The following ARID3B variants were observed in gnomAD, a reference collection of about 807,000 sequenced individuals.
The protein encoded by ARID3B is AT-rich interactive domain-containing protein 3B.
A neutral mutation model predicts 51.9 loss-of-function variants in ARID3B; 10 were observed. The ratio of observed to expected loss-of-function variants is 0.19; its 90% CI spans 0.12 to 0.33. The LOEUF is 0.33. Among genes scored for constraint, ARID3B ranks in the 10% least tolerant of loss-of-function variants. The pLI is 1.00. For synonymous variants in ARID3B, 205 were observed against 279.5 expected (o/e 0.73, Z 2.66); for missense variants, 483 against 716.3 (o/e 0.67, Z 3.72).
chr15:74,556,883 T>C (rs975688819), intron 2 of ARID3B, among the ~76,000 whole-genome samples: 1 of 151,246 alleles, frequency 6.6e-6, no homozygotes, highest in Non-Finnish European at 1.5e-5. Flanking sequence ...CAAGCGATTC[T>C]TCTGCCTCAG....
chr15:74,550,821 G>A (rs1242045731), intron 2 of ARID3B, among the ~76,000 whole-genome samples: 1 of 152,142 alleles, frequency 6.6e-6, no homozygotes, highest in Non-Finnish European at 1.5e-5. Flanking sequence ...TATTCCAGAG[G>A]ATGATAATCC....
At chr15:74,572,981 G>C in intron 3 of ARID3B, 48 bp downstream of exon 3, 1 of 1,603,684 alleles carries the variant, frequency 6.2e-7, no homozygotes, top group Non-Finnish European at 8.5e-7. Flanking sequence ...TTCTGCAGTG[G>C]CTTGTTACAG....
intron 2 of ARID3B, among the ~76,000 whole-genome samples, chr15:74,563,191 C>G (rs2061685281): frequency 6.6e-6 from 1 of 152,190 alleles, no homozygotes; most frequent in African/African-American, 2.4e-5. Flanking sequence ...AGAGCCTCAG[C>G]CTGGTAGAGG....
chr15:74,548,273 G>A (rs1171427061), intron 2 of ARID3B, among the ~76,000 whole-genome samples: 2 of 152,320 alleles, frequency 1.3e-5, no homozygotes, highest in African/African-American at 4.8e-5. Context: ...AGTACAGGCT[G>A]GGTCTGTCTT....
At chr15:74,578,040 G>C (rs2061744291) in intron 4 of ARID3B, among the ~76,000 whole-genome samples, 1 of 151,826 alleles carries the variant, frequency 6.6e-6, no homozygotes. Context: ...ATATTTTTTA[G>C]TAAAAACAGT....
At chr15:74,587,467 G>A (rs1374549577) in intron 4 of ARID3B, among the ~76,000 whole-genome samples, 1 of 152,200 alleles carries the variant, frequency 6.6e-6, no homozygotes, top group Non-Finnish European at 1.5e-5. Flanking sequence ...TGAGGTGTGG[G>A]GAAAGGGAGC....
At chr15:74,560,201 T>C (rs1040892896) in intron 2 of ARID3B, among the ~76,000 whole-genome samples, 3 of 148,322 alleles carry the variant, frequency 2.0e-5, no homozygotes, top group Non-Finnish European at 4.5e-5. Flanking sequence ...CAAGACTGTC[T>C]CAAAAAAAAA....
chr15:74,552,190 T>G (rs1415836664), intron 2 of ARID3B, among the ~76,000 whole-genome samples: 1 of 145,138 alleles, frequency 6.9e-6, no homozygotes, highest in Non-Finnish European at 1.5e-5. Flanking sequence ...GCCTCTCAAG[T>G]AGCTGGGACA....
At position 74,597,581 on chromosome 15, in the gene ARID3B, G is replaced by A. The variant is rs1244638521; in HGVS notation, c.*1807G>A. On this transcript the variant is annotated 3_prime_UTR_variant, in exon 9 of 9. Coordinates refer to ENST00000346246, the MANE Select transcript of ARID3B (RefSeq NM_006465.4). The stretch of plus-strand genomic sequence containing the variant: ...CTCTGGCCTCAGCCTGCAGGGTGTG[G>A]GCAGAGAAGGGCATCTGGGACGTGG... The A allele has an allele frequency of 7.5e-6, 4 of 535,296 alleles. No individual in the cohort carries two copies. The highest frequency in any genetic ancestry group is 1.4e-5 in the Non-Finnish European group (4 of 276,676). The allele number at this position is 535,296 out of a possible 1,614,324, so 33.2% of individuals were successfully genotyped here. A position where few individuals can be genotyped will look rare whatever the true frequency, so the allele number is the denominator to read the frequency against.
intron 4 of ARID3B, among the ~76,000 whole-genome samples, chr15:74,583,031 CAAA>C (rs563528666): frequency 5.8e-5 from 6 of 102,790 alleles, no homozygotes; most frequent in Non-Finnish European, 4.2e-5. Flanking sequence ...CCATCTCTAC[CAAA>C]AAAAAAAAAA....
chr15:74,582,253 C>G (rs894620547), intron 4 of ARID3B, among the ~76,000 whole-genome samples: 1 of 152,028 alleles, frequency 6.6e-6, no homozygotes, highest in Non-Finnish European at 1.5e-5. Context: ...CTGCAACCTC[C>G]GCCGCCCGGG....
intron 2 of ARID3B, among the ~76,000 whole-genome samples, chr15:74,548,147 A>G (rs771212581): frequency 1.3e-5 from 2 of 152,364 alleles, no homozygotes; most frequent in South Asian, 2.1e-4. Flanking sequence ...TAAAACAAGA[A>G]AACAGACAAA....
At chr15:74,594,384 C>T (rs1025853607) in intron 8 of ARID3B, among the ~76,000 whole-genome samples, 1 of 152,066 alleles carries the variant, frequency 6.6e-6, no homozygotes, top group African/African-American at 2.4e-5. Flanking sequence ...GGAGGCAGAG[C>T]TTGCAGTGAG....
At chr15:74,542,504 CT>C (rs1456848656) in intron 1 of ARID3B, among the ~76,000 whole-genome samples, 2 of 152,188 alleles carry the variant, frequency 1.3e-5, no homozygotes, top group Non-Finnish European at 2.9e-5. Flanking sequence ...ATTGGCCTAG[CT>C]TTAAAAATTG....
chr15:74,562,541 C>T (rs902379861), intron 2 of ARID3B, among the ~76,000 whole-genome samples: 1 of 152,124 alleles, frequency 6.6e-6, no homozygotes, highest in Non-Finnish European at 1.5e-5. Flanking sequence ...GGGGGGAATG[C>T]AGTGGTGTGA....
chr15:74,551,862 C>T (rs896784025), intron 2 of ARID3B, among the ~76,000 whole-genome samples: 1 of 152,200 alleles, frequency 6.6e-6, no homozygotes, highest in South Asian at 2.1e-4. Context: ...CCTCAGCATA[C>T]TCCAGTCTGA....
At chr15:74,582,170 CTT>C (rs747904327) in intron 4 of ARID3B, among the ~76,000 whole-genome samples, 22 of 143,874 alleles carry the variant, frequency 1.5e-4, no homozygotes, top group Non-Finnish European at 2.0e-4. Flanking sequence ...TAGCCATAAT[CTT>C]TTTTTTTTTT....
At chr15:74,587,147 G>A (rs1257846141) in intron 4 of ARID3B, among the ~76,000 whole-genome samples, 1 of 152,210 alleles carries the variant, frequency 6.6e-6, no homozygotes, top group Non-Finnish European at 1.5e-5. Context: ...AGTTTTCATA[G>A]GTTTTTAAAC....
At chr15:74,553,005 G>A (rs1019584347) in intron 2 of ARID3B, among the ~76,000 whole-genome samples, 22 of 152,302 alleles carry the variant, frequency 1.4e-4, no homozygotes, top group Middle Eastern at 3.4e-3. Context: ...CTAAGAAACT[G>A]CCCAACTGTG....
Sources: allele counts gnomAD v4.1 joint callset (sites outside exome capture counted in the v4.1 genomes callset), GRCh38; gene constraint gnomAD v4.1.1; transcripts MANE v1.5; gene names NCBI Gene and HGNC (gene_info 2026-07-23, HGNC 2026-07-21).